ITGA8: variants seen among roughly 807,000 people sequenced by gnomAD.
ITGA8 encodes the protein integrin subunit alpha 8, also known as integrin alpha-8.
A neutral mutation model predicts 142.3 loss-of-function variants in ITGA8; 91 were observed. The ratio of observed to expected loss-of-function variants is 0.64; its 90% CI spans 0.54 to 0.76. The LOEUF is 0.76. Ranked by LOEUF, ITGA8 falls within the 30% of genes least tolerant of loss-of-function variation. ITGA8 has a pLI of 0.00. For missense variants in ITGA8, 1,406 were observed against 1,327.7 expected (o/e 1.06, Z -0.92); for synonymous variants, 505 against 485.2 (o/e 1.04, Z -0.54).
rs544517688 is a variant in ITGA8 at position 15,633,825 on chromosome 10, A to G, written c.1399+10205T>C. 1.5e-3 allele frequency among the ~76,000 whole-genome samples: 223 copies of G among 152,290 alleles called. 2 individuals are homozygous for G. The South Asian group carries it at 0.018, about 12-fold the overall frequency. ...CACTAAGTCAAATCATTAATTCACA[A>G]TGTTGTATCCCTTGATAATACAAAG... On this transcript the variant is annotated intron_variant, in intron 13 of 29. Coordinates refer to ENST00000378076, the MANE Select transcript of ITGA8 (RefSeq NM_003638.3).
intron 8 of ITGA8, 121 bp from the exon 9 acceptor site, chr10:15,661,043 C>T (rs1834276987): frequency 5.7e-6 from 5 of 878,078 alleles, no homozygotes; most frequent in Middle Eastern, 2.2e-4. Context: ...TCATACAGAG[C>T]AGGGGTCCCC....
chr10:15,661,074 G>T, intron 8 of ITGA8, 152 bp from the exon 9 acceptor site: 1 of 680,254 alleles, frequency 1.5e-6, no homozygotes, highest in Non-Finnish European at 2.6e-6. Context: ...CCATCAACCA[G>T]CACCTGTCTG....
At chr10:15,715,153 G>A (rs78480147) in intron 2 of ITGA8, among the ~76,000 whole-genome samples, 1 of 152,154 alleles carries the variant, frequency 6.6e-6, no homozygotes, top group African/African-American at 2.4e-5. Context: ...AACTCAGGAG[G>A]CAGCTTATCA....
chr10:15,602,271 G>A lies in ITGA8; in HGVS notation c.2118+1937C>T, dbSNP rs971819723. ...TATCTGCAGGTAAGTATTTGTAGACGTCATTTTTCTTTCTGTTTTTGCTTG... is the reference window on the plus strand; with the variant it reads ...TATCTGCAGGTAAGTATTTGTAGACATCATTTTTCTTTCTGTTTTTGCTTG... On this transcript the variant is annotated intron_variant, in intron 20 of 29. Coordinates refer to ENST00000378076, the MANE Select transcript of ITGA8 (RefSeq NM_003638.3). Among the ~76,000 whole-genome samples the A allele has an allele frequency of 4.6e-5, 7 of 152,264 alleles. No individual in the cohort carries two copies. In the East Asian group the frequency reaches 5.8e-4, roughly 13 times the overall value.
Position 15,644,019 on chromosome 10 carries a change from GA to G in ITGA8, c.1399+10del. The G allele has an allele frequency of 6.2e-7, 1 of 1,605,072 alleles. No homozygotes were observed. Among genetic ancestry groups the G allele is most frequent in the African/African-American group, 1.3e-5 (1 of 74,684 alleles). ...GTAGACTCTCACGTGGGAAAAGAAA[GA>G]AAACCTTACCTGGGTAATCATTCTT... On this transcript the variant is annotated intron_variant, in intron 13 of 29. Transcript: ENST00000378076.
intron 8 of ITGA8, among the ~76,000 whole-genome samples, chr10:15,667,055 C>T (rs551949648): frequency 6.6e-6 from 1 of 152,286 alleles, no homozygotes; most frequent in Admixed American, 6.5e-5. Context: ...GGAGGATTCC[C>T]TCTTTTTCTA....
intron 11 of ITGA8, among the ~76,000 whole-genome samples, chr10:15,652,161 C>T (rs894551339): frequency 2.0e-5 from 3 of 152,190 alleles, no homozygotes; most frequent in Admixed American, 6.5e-5. Context: ...CAATGAGGTC[C>T]TTTTCTCACA....
chr10:15,641,832 A>T (rs957072294), intron 13 of ITGA8, among the ~76,000 whole-genome samples: 1 of 152,346 alleles, frequency 6.6e-6, no homozygotes, highest in African/African-American at 2.4e-5. Context: ...AGAAAAAGAC[A>T]TAATTAAGAG....
chr10:15,566,063 A>G (rs928948924), intron 25 of ITGA8, among the ~76,000 whole-genome samples: 1 of 152,178 alleles, frequency 6.6e-6, no homozygotes, highest in Non-Finnish European at 1.5e-5. Context: ...AGGATAAGAC[A>G]AAACTATGCA....
chr10:15,597,300 C>T lies in ITGA8; in HGVS notation c.2119-1G>A. 2 of 1,613,040 alleles carry T rather than the reference C, an allele frequency of 1.2e-6. No individual in the cohort carries two copies. The highest frequency in any genetic ancestry group is 4.5e-5 in the East Asian group (2 of 44,860). ...ACTCACAGCTCAGTGGTCGAAATCC[C>T]TACAATTGCAAAGAACAGGGGGTTT... On this transcript the variant is annotated splice_acceptor_variant, in intron 20 of 29. Coordinates refer to ENST00000378076, the MANE Select transcript of ITGA8 (RefSeq NM_003638.3). LOFTEE classifies it high-confidence loss of function.
chr10:15,647,708 C>T (rs985472573), intron 11 of ITGA8, among the ~76,000 whole-genome samples: 4 of 150,940 alleles, frequency 2.7e-5, no homozygotes, highest in Non-Finnish European at 5.9e-5. Context: ...ATGATCCACC[C>T]GCCTCGGCCT....
intron 26 of ITGA8, among the ~76,000 whole-genome samples, chr10:15,554,729 T>G (rs1254535775): frequency 6.7e-6 from 1 of 150,316 alleles, no homozygotes; most frequent in African/African-American, 2.5e-5. Context: ...CTTTCTTTCT[T>G]TCTTTCTTTC....
chr10:15,678,100 C>T (rs1458362527), intron 5 of ITGA8, among the ~76,000 whole-genome samples: 1 of 152,118 alleles, frequency 6.6e-6, no homozygotes, highest in African/African-American at 2.4e-5. Flanking sequence ...TCCAGACTAG[C>T]AAATATAAAC....
At position 15,548,917 on chromosome 10, in the gene ITGA8, G is replaced by T. The variant is rs9333224; in HGVS notation, c.2767-349C>A. 6.7e-3 allele frequency among the ~76,000 whole-genome samples: 1,026 copies of T among 152,266 alleles called. 12 individuals carry two copies. The highest frequency in any genetic ancestry group is 0.023 in the African/African-American group (950 of 41,526). The stretch of plus-strand genomic sequence containing the variant: ...GGGTTCAGCAAGTCTGGAAGGGGTT[G>T]CAGAGGAAGACTCTTGAGCCTATAT... On this transcript the variant is annotated intron_variant, in intron 26 of 29. Transcript: ENST00000378076.
intron 25 of ITGA8, among the ~76,000 whole-genome samples, chr10:15,568,070 T>C (rs1834110185): frequency 6.6e-6 from 1 of 152,124 alleles, no homozygotes; most frequent in South Asian, 2.1e-4. Flanking sequence ...TACAGGCATG[T>C]GTCATCATGC....
chr10:15,661,197 C>G (rs1169213090), intron 8 of ITGA8, among the ~76,000 whole-genome samples: 1 of 152,208 alleles, frequency 6.6e-6, no homozygotes, highest in East Asian at 1.9e-4. Context: ...ACAGCCTGAG[C>G]ACTGCCTCCT....
intron 2 of ITGA8, among the ~76,000 whole-genome samples, chr10:15,715,645 T>C (rs749790248): frequency 6.6e-6 from 1 of 152,250 alleles, no homozygotes; most frequent in Non-Finnish European, 1.5e-5. Flanking sequence ...TGGTACATAG[T>C]AGCGATCTGT....
intron 20 of ITGA8, among the ~76,000 whole-genome samples, chr10:15,597,911 A>G (rs1833035696): frequency 6.6e-6 from 1 of 152,186 alleles, no homozygotes; most frequent in Non-Finnish European, 1.5e-5. Context: ...TGAAGTTAGA[A>G]GAGGTTCTTG....
At position 15,527,906 on chromosome 10, in the gene ITGA8, C is replaced by CTTTTTTTTTT. The variant is rs34758919; in HGVS notation, c.2982+3134_2982+3143dup. On this transcript the variant is annotated intron_variant, in intron 28 of 29. Coordinates refer to ENST00000378076, the MANE Select transcript of ITGA8 (RefSeq NM_003638.3). Reference sequence around the variant, plus strand: ...TTAAAGCAATTCCCTTTCGGCTGGGCTTTTTTTTTTTTTTTTTTTTTTTTT... The same window carrying CTTTTTTTTTT: ...TTAAAGCAATTCCCTTTCGGCTGGGCTTTTTTTTTTTTTTTTTTTTTTTTTTTTTTTTTTT... 1.0e-4 allele frequency among the ~76,000 whole-genome samples: 8 copies of CTTTTTTTTTT among 78,060 alleles called. 4 individuals are homozygous for CTTTTTTTTTT. Among genetic ancestry groups the CTTTTTTTTTT allele is most frequent in the Admixed American group, 3.4e-4 (2 of 5,900 alleles). The allele number at this position is 78,060 out of a possible 152,430, so 51.2% of individuals were successfully genotyped here. A position where few individuals can be genotyped will look rare whatever the true frequency, so the allele number is the denominator to read the frequency against.
Sources: gnomAD v4.1 joint callset for allele counts (sites outside exome capture counted in the v4.1 genomes callset) on GRCh38, gnomAD v4.1.1 for gene constraint, MANE v1.5 for transcripts, NCBI Gene and HGNC (gene_info 2026-07-23, HGNC 2026-07-21) for gene names.